HTN3: variants seen among roughly 807,000 people sequenced by gnomAD.
The protein encoded by HTN3 is histatin-3.
HTN3 carries 15 observed loss-of-function variants against 10.6 expected under a neutral mutation model. That is an observed-to-expected ratio of 1.42 (90% CI 0.95 to 2.18). HTN3 has a LOEUF of 2.18. HTN3 is among the 30% of genes most tolerant of loss of function. The pLI is 0.00. For missense variants in HTN3, 68 were observed against 58.0 expected (o/e 1.17, Z -0.56); for synonymous variants, 15 against 16.9 (o/e 0.89, Z 0.27).
At chr4:70,035,618 A>T (rs1725497599) in intron 5 of HTN3, among the ~76,000 whole-genome samples, 1 of 152,238 alleles carries the variant, frequency 6.6e-6, no homozygotes. Flanking sequence ...ATCAACAAGG[A>T]GATGGGAATT....
intron 5 of HTN3, among the ~76,000 whole-genome samples, chr4:70,034,875 G>A (rs1315224199): frequency 6.6e-6 from 1 of 152,140 alleles, no homozygotes; most frequent in Non-Finnish European, 1.5e-5. Flanking sequence ...GTCATTAAAA[G>A]GAATGAGATC....
At position 70,033,173 on chromosome 4, in the gene HTN3, C is replaced by T; in HGVS notation, c.109C>T (p.His37Tyr). 6.2e-7 allele frequency: 1 copy of T among 1,605,304 alleles called. No homozygotes were observed. The highest frequency in any genetic ancestry group is 8.5e-7 in the Non-Finnish European group (1 of 1,173,682). Residue 37 changes from histidine to tyrosine, a missense_variant, in exon 5 of 6, where the codon CAT becomes TAT. Coordinates refer to ENST00000673563, the MANE Select transcript of HTN3 (RefSeq NM_000200.3). ...HGYKRKFHEKHHSHRGYRSNY... is the reference protein window; with the variant it reads ...HGYKRKFHEKYHSHRGYRSNY... Reference sequence around the variant, plus strand: ...TCCTTTTGTGTGTATGCAGGAAAAGCATCATTCACATCGAGGCTATAGATC... The same window carrying T: ...TCCTTTTGTGTGTATGCAGGAAAAGTATCATTCACATCGAGGCTATAGATC...
rs777056094 is a variant in HTN3, at chr4:70,033,262, A to C, written c.*33+9A>C. ...GGGGCATGATTATGGAGGTAAGCTG[A>C]CTCTAGTTACTTTTCTTTCTAGAAG... On this transcript the variant is annotated intron_variant, in intron 5 of 5. Coordinates refer to ENST00000673563, the MANE Select transcript of HTN3 (RefSeq NM_000200.3). The C allele has an allele frequency of 1.2e-5, 15 of 1,234,350 alleles. No individual in the cohort carries two copies. The highest frequency in any genetic ancestry group is 1.8e-5 in the Non-Finnish European group (15 of 856,276). The allele number at this position is 1,234,350 out of a possible 1,614,324, so 76.5% of individuals were successfully genotyped here. A position where few individuals can be genotyped will look rare whatever the true frequency, so the allele number is the denominator to read the frequency against.
Position 70,032,062 on chromosome 4 carries a change from T to C in HTN3, c.73-16T>C. ...ATCATATATTGAATTTTTAATCTTTTCTTTTTATTTCATAGAGACATCATG... is the reference window on the plus strand; with the variant it reads ...ATCATATATTGAATTTTTAATCTTTCCTTTTTATTTCATAGAGACATCATG... On this transcript the variant is annotated splice_polypyrimidine_tract_variant and intron_variant, in intron 3 of 5. Coordinates refer to ENST00000673563, the MANE Select transcript of HTN3 (RefSeq NM_000200.3). 1 of 1,533,592 alleles carries C rather than the reference T, an allele frequency of 6.5e-7. No homozygotes were observed. The highest frequency in any genetic ancestry group is 1.7e-5 in the Admixed American group (1 of 58,812). The allele number at this position is 1,533,592 out of a possible 1,614,324, so 95.0% of individuals were successfully genotyped here. A position where few individuals can be genotyped will look rare whatever the true frequency, so the allele number is the denominator to read the frequency against.
intron 5 of HTN3, among the ~76,000 whole-genome samples, chr4:70,033,742 G>T (rs950995707): frequency 2.6e-5 from 4 of 152,254 alleles, no homozygotes; most frequent in East Asian, 3.9e-4. Context: ...TTATCCATGA[G>T]AATGGAATGT....
At chr4:70,035,262 T>A (rs1400251443) in intron 5 of HTN3, among the ~76,000 whole-genome samples, 1 of 152,226 alleles carries the variant, frequency 6.6e-6, no homozygotes, top group Non-Finnish European at 1.5e-5. Flanking sequence ...TGTGTTTTTA[T>A]CCTGACCCTG....
At chr4:70,031,823 G>C (rs749916703) in intron 2 of HTN3, among the ~76,000 whole-genome samples, 156 bp from the exon 3 acceptor site, 11 of 151,946 alleles carry the variant, frequency 7.2e-5, no homozygotes, top group African/African-American at 2.4e-4. Flanking sequence ...TCATTTTAAA[G>C]ATGTCATAAA....
intron 2 of HTN3, chr4:70,031,068 A>T (rs1725373052): frequency 3.6e-6 from 1 of 276,042 alleles, no homozygotes; most frequent in South Asian, 4.7e-5. Context: ...AACTGTGAAA[A>T]TATCTTTAAA....
chr4:70,029,280 A>G (rs1174132287), intron 1 of HTN3, among the ~76,000 whole-genome samples: 1 of 152,082 alleles, frequency 6.6e-6, no homozygotes, highest in African/African-American at 2.4e-5. Context: ...GTCTTTTTAT[A>G]TCATAAAAAG....
At chr4:70,035,656 G>T (rs757842383) in intron 5 of HTN3, among the ~76,000 whole-genome samples, 1 of 152,100 alleles carries the variant, frequency 6.6e-6, no homozygotes, top group Non-Finnish European at 1.5e-5. Context: ...TGGTAACAAT[G>T]TCCTTTTTAG....
At chr4:70,029,136 A>G (rs1382197128) in intron 1 of HTN3, among the ~76,000 whole-genome samples, 2 of 152,056 alleles carry the variant, frequency 1.3e-5, no homozygotes, top group South Asian at 2.1e-4. Flanking sequence ...ATGTTTTTCA[A>G]AACTATTAAT....
Position 70,033,141 on chromosome 4 carries a change from T to C in HTN3, c.103-26T>C, listed in dbSNP as rs749409160. On this transcript the variant is annotated intron_variant, in intron 4 of 5. Transcript: ENST00000673563. ...GTCATTGCCTCTATTCTCTGCAATT[T>C]GCTCTCTCCTTTTGTGTGTATGCAG... 2.0e-5 allele frequency: 31 copies of C among 1,573,996 alleles called. No homozygotes were observed. The Middle Eastern group carries it at 5.0e-4, about 25-fold the overall frequency.
At chr4:70,035,576 T>A (rs1010101675) in intron 5 of HTN3, among the ~76,000 whole-genome samples, 2 of 152,170 alleles carry the variant, frequency 1.3e-5, no homozygotes, top group Non-Finnish European at 2.9e-5. Flanking sequence ...GTAACTCTAA[T>A]GAGCAATGGC....
intron 4 of HTN3, 93 bp downstream of exon 4, chr4:70,032,200 A>G (rs1173394230): frequency 2.4e-6 from 2 of 837,766 alleles, no homozygotes; most frequent in Admixed American, 2.6e-5. Context: ...TCTCAAATAT[A>G]TTTATATCAT....
chr4:70,033,715 C>T (rs1725441868), intron 5 of HTN3, among the ~76,000 whole-genome samples: 1 of 152,166 alleles, frequency 6.6e-6, no homozygotes, highest in South Asian at 2.1e-4. Context: ...AGGCCATTTT[C>T]ATGAAATTGA....
chr4:70,033,320 TA>T, intron 5 of HTN3, 67 bp downstream of exon 5: 3 of 742,258 alleles, frequency 4.0e-6, no homozygotes, highest in Non-Finnish European at 6.6e-6. Flanking sequence ...AAGGAAAAAT[TA>T]AAAAAAAGCC....
At chr4:70,031,862 A>C in intron 2 of HTN3, 117 bp from the exon 3 acceptor site, 1 of 711,610 alleles carries the variant, frequency 1.4e-6, no homozygotes, top group Admixed American at 2.6e-5. Context: ...GCATGTCATC[A>C]TCCAAAGAAT....
chr4:70,028,842 G>C (rs1301161035), intron 1 of HTN3, among the ~76,000 whole-genome samples: 9 of 151,938 alleles, frequency 5.9e-5, no homozygotes, highest in Non-Finnish European at 2.9e-5. Flanking sequence ...ACTTAATGTA[G>C]AAGTTCACAT....
Position 70,035,740 on chromosome 4 carries a change from C to CA in HTN3, c.*34-523dup, listed in dbSNP as rs200555359. On this transcript the variant is annotated intron_variant, in intron 5 of 5. Coordinates refer to ENST00000673563, the MANE Select transcript of HTN3 (RefSeq NM_000200.3). Reference sequence around the variant, plus strand: ...CTATGAAATATTAAATATTATACTTCAAAATAAAGTAATATTTTGGAGATA... The same window carrying CA: ...CTATGAAATATTAAATATTATACTTCAAAAATAAAGTAATATTTTGGAGATA... Among the ~76,000 whole-genome samples, 679 of 152,152 alleles carry CA rather than the reference C, an allele frequency of 4.5e-3. 2 individuals carry two copies. The highest frequency in any genetic ancestry group is 6.9e-3 in the Non-Finnish European group (468 of 67,984).
Sources: gnomAD v4.1 joint callset for allele counts (sites outside exome capture counted in the v4.1 genomes callset) on GRCh38, gnomAD v4.1.1 for gene constraint, MANE v1.5 for transcripts, NCBI Gene and HGNC (gene_info 2026-07-23, HGNC 2026-07-21) for gene names.